Variants in GMPR observed in about 807,000 individuals in gnomAD.
GMPR encodes the protein guanosine monophosphate reductase.
A neutral mutation model predicts 38.4 loss-of-function variants in GMPR; 31 were observed. The observed-to-expected ratio is 0.81, with a 90% confidence interval of 0.61 to 1.09. The LOEUF (loss-of-function observed/expected upper bound fraction) is 1.09, where lower values mean the gene tolerates loss of function less well. Among genes scored for constraint, GMPR ranks in the 50% least tolerant of loss-of-function variants. The probability of loss-of-function intolerance (pLI) is 0.00; values close to 1 mark genes in which losing one functional copy is unlikely to be tolerated. For missense variants in GMPR, 468 were observed against 453.7 expected (o/e 1.03, Z -0.29); for synonymous variants, 162 against 173.3 (o/e 0.93, Z 0.51).
intron 4 of GMPR, among the ~76,000 whole-genome samples, chr6:16,267,676 C>T (rs983098792): frequency 6.6e-6 from 1 of 152,174 alleles, no homozygotes; most frequent in Non-Finnish European, 1.5e-5. Flanking sequence ...AAGAACCCAC[C>T]GGAAGGAACC....
intron 4 of GMPR, among the ~76,000 whole-genome samples, chr6:16,256,596 T>C (rs1253938550): frequency 6.7e-6 from 1 of 149,556 alleles, no homozygotes; most frequent in Non-Finnish European, 1.5e-5. Context: ...TAGAAGTGGG[T>C]TGGGAAATAG....
intron 4 of GMPR, among the ~76,000 whole-genome samples, chr6:16,263,690 T>C (rs1285448529): frequency 3.1e-5 from 3 of 96,416 alleles, no homozygotes; most frequent in East Asian, 1.2e-3. Context: ...AAATAAGGGA[T>C]TGGGGTGCAG....
At chr6:16,292,418 GATATT>G (rs1319672819) in intron 8 of GMPR, among the ~76,000 whole-genome samples, 7 of 152,036 alleles carry the variant, frequency 4.6e-5, no homozygotes, top group Admixed American at 6.5e-5. Flanking sequence ...CCCCAATAAA[GATATT>G]ATAGTATGGG....
chr6:16,253,388 T>C (rs1758911742), intron 3 of GMPR, among the ~76,000 whole-genome samples: 1 of 152,214 alleles, frequency 6.6e-6, no homozygotes, highest in Non-Finnish European at 1.5e-5. Context: ...CTGCAGGCTG[T>C]ACAGGAAGCA....
chr6:16,263,330 G>A (rs1413112236), intron 4 of GMPR: 3 of 151,924 alleles, frequency 2.0e-5, no homozygotes, highest in African/African-American at 7.2e-5. Context: ...AACTACTGTC[G>A]AGTTTGTATT....
intron 2 of GMPR, among the ~76,000 whole-genome samples, chr6:16,247,694 C>T (rs1042431575): frequency 8.9e-4 from 136 of 152,094 alleles, no homozygotes; most frequent in African/African-American, 2.9e-3. Context: ...TAATTCTTGA[C>T]GCAACTCAAC....
chr6:16,261,574 T>C (rs545417020), intron 4 of GMPR, among the ~76,000 whole-genome samples: 71 of 152,088 alleles, frequency 4.7e-4, no homozygotes, highest in Non-Finnish European at 7.5e-4. Flanking sequence ...ACAATTTGGT[T>C]GATAAGGCGC....
Position 16,238,594 on chromosome 6 carries a change from C to G in GMPR, c.-100C>G, listed in dbSNP as rs1196554601. 1 of 263,854 alleles carries G rather than the reference C, an allele frequency of 3.8e-6. No individual in the cohort carries two copies. Among genetic ancestry groups the G allele is most frequent in the Admixed American group, 6.6e-5 (1 of 15,210 alleles). The allele number at this position is 263,854 out of a possible 1,614,324, so 16.3% of individuals were successfully genotyped here. A position where few individuals can be genotyped will look rare whatever the true frequency, so the allele number is the denominator to read the frequency against. On this transcript the variant is annotated 5_prime_UTR_variant, in exon 1 of 9. Coordinates refer to ENST00000259727, the MANE Select transcript of GMPR (RefSeq NM_006877.4). ...GGCGTGCGCACCCGGCCCACGCCAG[C>G]TCCCGGCCGCGGCACAGCAGCCCCG...
chr6:16,256,093 G>A (rs1758968574), intron 4 of GMPR, among the ~76,000 whole-genome samples: 1 of 151,846 alleles, frequency 6.6e-6, no homozygotes, highest in Admixed American at 6.6e-5. Context: ...GCGGGTGCCT[G>A]TAATCCCAGC....
At chr6:16,266,995 ACT>A (rs1159815051) in intron 4 of GMPR, among the ~76,000 whole-genome samples, 1 of 150,722 alleles carries the variant, frequency 6.6e-6, no homozygotes, top group Admixed American at 6.6e-5. Flanking sequence ...GGAACGAACA[ACT>A]CTGGGTGCGC....
intron 4 of GMPR, chr6:16,264,474 A>C (rs971797148): frequency 9.1e-5 from 15 of 165,292 alleles, no homozygotes; most frequent in Non-Finnish European, 1.9e-4. Flanking sequence ...GAGTCACGGC[A>C]CCAAATTTCA....
At chr6:16,256,632 A>G (rs1163701389) in intron 4 of GMPR, among the ~76,000 whole-genome samples, 1 of 152,080 alleles carries the variant, frequency 6.6e-6, no homozygotes, top group Non-Finnish European at 1.5e-5. Flanking sequence ...TCTCTGTAAT[A>G]GAACAGCCAA....
intron 7 of GMPR, among the ~76,000 whole-genome samples, chr6:16,288,061 G>A (rs1409930142): frequency 6.6e-6 from 1 of 152,176 alleles, no homozygotes; most frequent in Non-Finnish European, 1.5e-5. Flanking sequence ...CCCTCAGTAG[G>A]GCTTACTCAG....
At chr6:16,244,549 G>A (rs1478836787) in intron 1 of GMPR, among the ~76,000 whole-genome samples, 1 of 152,112 alleles carries the variant, frequency 6.6e-6, no homozygotes, top group Admixed American at 6.5e-5. Context: ...TGGGTGGCAG[G>A]ACTGGCTTTA....
At position 16,266,971 on chromosome 6, in the gene GMPR, T is replaced by C. The variant is rs567122704; in HGVS notation, c.466-7444T>C. 5.2e-4 allele frequency among the ~76,000 whole-genome samples: 79 copies of C among 151,294 alleles called. 2 individuals carry two copies. The highest frequency in any genetic ancestry group is 1.7e-3 in the African/African-American group (72 of 41,268). Reference sequence around the variant, plus strand: ...TCACTCCTGAAGTCGGCGTAGACCATGAACCCACGAGGAGGAACGAACAAC... The same window carrying C: ...TCACTCCTGAAGTCGGCGTAGACCACGAACCCACGAGGAGGAACGAACAAC... On this transcript the variant is annotated intron_variant, in intron 4 of 8. Transcript: ENST00000259727.
chr6:16,251,872 GAAAGCC>G (rs1335835828), intron 3 of GMPR, among the ~76,000 whole-genome samples: 6 of 152,078 alleles, frequency 3.9e-5, no homozygotes, highest in Non-Finnish European at 7.4e-5. Context: ...AAAAACAACA[GAAAGCC>G]TTGCTGCAAC....
intron 4 of GMPR, among the ~76,000 whole-genome samples, chr6:16,260,561 G>A (rs1759064181): frequency 6.6e-6 from 1 of 152,022 alleles, no homozygotes. Flanking sequence ...AAGGGAAGGG[G>A]CCTGAATAAT....
intron 3 of GMPR, among the ~76,000 whole-genome samples, chr6:16,254,098 T>A (rs1273754574): frequency 5.9e-5 from 9 of 152,064 alleles, no homozygotes; most frequent in African/African-American, 2.2e-4. Flanking sequence ...GCCTGGCTAA[T>A]TTTTATATTT....
intron 1 of GMPR, among the ~76,000 whole-genome samples, chr6:16,239,869 G>A (rs566029722): frequency 1.3e-5 from 2 of 152,366 alleles, no homozygotes; most frequent in Admixed American, 1.3e-4. Context: ...GCATTGGCTG[G>A]TTTGGAGCCC....
Sources: allele counts gnomAD v4.1 joint callset (sites outside exome capture counted in the v4.1 genomes callset), GRCh38; gene constraint gnomAD v4.1.1; transcripts MANE v1.5; gene names NCBI Gene and HGNC (gene_info 2026-07-23, HGNC 2026-07-21).